DSCAML1: variants seen among roughly 807,000 people sequenced by gnomAD.
DSCAML1 encodes DS cell adhesion molecule like 1.
Under a neutral mutation model 200.5 loss-of-function variants are expected in DSCAML1, and 38 were observed. That is an observed-to-expected ratio of 0.19 (90% confidence interval 0.15 to 0.25). The LOEUF is 0.25. Ranked by LOEUF, DSCAML1 falls within the 10% of genes least tolerant of loss-of-function variation. The pLI is 1.00. For missense variants in DSCAML1, 2,223 were observed against 2,858.8 expected (o/e 0.78, Z 5.07); for synonymous variants, 1,215 against 1,165.0 (o/e 1.04, Z -0.87).
In DSCAML1 at chr11:117,504,899, G is replaced by C. The variant is rs1400924773; in HGVS notation, c.2182+25C>G. The stretch of plus-strand genomic sequence containing the variant: ...GTTCCCCGTCCCTGCCCTTCTTGGA[G>C]ATTCTGGCTGGGCCAGGGGCTTACC... On this transcript the variant is annotated intron_variant, in intron 10 of 32. Coordinates refer to ENST00000651296, the MANE Select transcript of DSCAML1 (RefSeq NM_020693.4). This position sits in a 1 kb window ranked among gnomAD's most constrained non-coding sequence, Gnocchi z 5.0. 6.3e-7 allele frequency: 1 copy of C among 1,584,838 alleles called. No homozygotes were observed. The highest frequency in any genetic ancestry group is 8.6e-7 in the Non-Finnish European group (1 of 1,161,102).
chr11:117,512,781 A>ACACACACACACACACACACACC (rs2049662943), intron 8 of DSCAML1, among the ~76,000 whole-genome samples: 2 of 148,858 alleles, frequency 1.3e-5, no homozygotes, highest in African/African-American at 4.9e-5. Flanking sequence ...ACACACACAC[A>ACACACACACACACACACACACC]CACACACACA....
At chr11:117,636,203 C>A (rs992623733) in intron 3 of DSCAML1, among the ~76,000 whole-genome samples, 16 of 152,172 alleles carry the variant, frequency 1.1e-4, no homozygotes, top group African/African-American at 3.6e-4. Context: ...AGCCTTTCAT[C>A]TGCATGATGG....
At chr11:117,457,144 T>C (rs2048387644) in intron 19 of DSCAML1, among the ~76,000 whole-genome samples, 1 of 152,232 alleles carries the variant, frequency 6.6e-6, no homozygotes, top group African/African-American at 2.4e-5. Flanking sequence ...AATGCCAGGC[T>C]GGGGGCATGC....
intron 1 of DSCAML1, among the ~76,000 whole-genome samples, chr11:117,795,063 C>T (rs540322758): frequency 1.1e-3 from 169 of 152,332 alleles, no homozygotes; most frequent in African/African-American, 3.8e-3. Context: ...CCACCCCCAA[C>T]CCCATCTGCT....
upstream of DSCAML1, among the ~76,000 whole-genome samples, chr11:117,797,832 T>C (rs982059501): frequency 1.4e-5 from 2 of 139,108 alleles, no homozygotes; most frequent in African/African-American, 2.9e-5. Context: ...AATGAGCAGT[T>C]TAATGTCTAC....
At chr11:117,765,611 T>C (rs2137902554) in intron 3 of DSCAML1, among the ~76,000 whole-genome samples, 1 of 152,322 alleles carries the variant, frequency 6.6e-6, no homozygotes, top group East Asian at 1.9e-4. Flanking sequence ...CATGCGTCTG[T>C]CTAGCCCTAG....
intron 1 of DSCAML1, among the ~76,000 whole-genome samples, chr11:117,816,549 A>G (rs919740170): frequency 4.6e-5 from 7 of 152,150 alleles, no homozygotes; most frequent in African/African-American, 1.7e-4. Flanking sequence ...GGAGGCGACT[A>G]ATCTCCCCCA....
At chr11:117,434,121 A>T (rs552196385) in intron 27 of DSCAML1, among the ~76,000 whole-genome samples, 5 of 152,272 alleles carry the variant, frequency 3.3e-5, no homozygotes, top group Admixed American at 2.6e-4. Flanking sequence ...ATGAATCCCA[A>T]ATAGCTGTAT....
intron 3 of DSCAML1, among the ~76,000 whole-genome samples, chr11:117,726,344 C>G (rs1440840334): frequency 6.6e-6 from 1 of 151,458 alleles, no homozygotes; most frequent in East Asian, 1.9e-4. Context: ...GCCAGATATT[C>G]TGTGTGGGGG....
intron 3 of DSCAML1, among the ~76,000 whole-genome samples, chr11:117,667,721 G>A (rs1177907625): frequency 1.3e-5 from 2 of 152,206 alleles, no homozygotes; most frequent in Non-Finnish European, 2.9e-5. Flanking sequence ...AACCTTCAGA[G>A]TTGATCGTTG....
At chr11:117,645,144 G>T (rs2052497007) in intron 3 of DSCAML1, among the ~76,000 whole-genome samples, 2 of 152,214 alleles carry the variant, frequency 1.3e-5, no homozygotes, top group Admixed American at 6.5e-5. Flanking sequence ...CATGAGACCT[G>T]CAGGGCTTCC....
At chr11:117,477,719 C>T (rs1158961065) in intron 14 of DSCAML1, among the ~76,000 whole-genome samples, 1 of 152,198 alleles carries the variant, frequency 6.6e-6, no homozygotes, top group Admixed American at 6.5e-5. Context: ...GCATCACCAC[C>T]CCTACTTCAC....
chr11:117,767,483 T>TG (rs2134028475), intron 3 of DSCAML1, among the ~76,000 whole-genome samples: 1 of 152,340 alleles, frequency 6.6e-6, no homozygotes, highest in African/African-American at 2.4e-5. Flanking sequence ...AGTGCTTTCT[T>TG]GTAATCACTA....
chr11:117,774,122 CA>C (rs1305616372), intron 3 of DSCAML1, among the ~76,000 whole-genome samples: 1 of 152,212 alleles, frequency 6.6e-6, no homozygotes, highest in East Asian at 1.9e-4. Context: ...CTCCCCATCC[CA>C]TGCCCAGCCT....
intron 11 of DSCAML1, among the ~76,000 whole-genome samples, chr11:117,501,522 G>A (rs543304009): frequency 6.6e-6 from 1 of 152,276 alleles, no homozygotes; most frequent in African/African-American, 2.4e-5. Context: ...CCTTGGCCCT[G>A]CCTCTTCCCC....
intron 3 of DSCAML1, among the ~76,000 whole-genome samples, chr11:117,635,047 C>G (rs967520750): frequency 6.6e-6 from 1 of 152,214 alleles, no homozygotes; most frequent in African/African-American, 2.4e-5. Flanking sequence ...CATGATAGGT[C>G]GCACAACAGT....
At chr11:117,716,836 G>T (rs901151939) in intron 3 of DSCAML1, among the ~76,000 whole-genome samples, 2 of 152,138 alleles carry the variant, frequency 1.3e-5, no homozygotes, top group Non-Finnish European at 2.9e-5. Context: ...CCCATGTATT[G>T]TCCACAGCTG....
intron 11 of DSCAML1, among the ~76,000 whole-genome samples, chr11:117,502,515 C>T (rs1026404768): frequency 6.6e-6 from 1 of 152,190 alleles, no homozygotes; most frequent in Non-Finnish European, 1.5e-5. Context: ...AGTGGCTCCC[C>T]AGGGCGGGGA....
rs763896166 is a variant in DSCAML1, at chr11:117,480,474, C to T, written c.2754G>A (p.Thr918=). The change falls in exon 14 of 33, where the codon ACG becomes ACA. Residue 918 remains threonine (T), a synonymous_variant. Transcript: ENST00000651296. The surrounding 1 kb of genome is among the most constrained non-coding windows in gnomAD (Gnocchi z 4.1). ...TQRFDGNSII[T]GFDIEYKNKS... ...TGTTCTTGTATTCAATGTCGAAGCC[C>T]GTGATGATGCTGTTCCCGTCGAATC... is the stretch of plus-strand genomic sequence containing the variant. The T allele has an allele frequency of 2.7e-5, 43 of 1,613,366 alleles. 2 individuals are homozygous for T. Among genetic ancestry groups the T allele is most frequent in the Middle Eastern group, 3.3e-4 (2 of 6,084 alleles).
Sources: allele counts gnomAD v4.1 joint callset (sites outside exome capture counted in the v4.1 genomes callset), GRCh38; gene constraint gnomAD v4.1.1; non-coding constraint Gnocchi (gnomAD v3.1); transcripts MANE v1.5; gene names NCBI Gene and HGNC (gene_info 2026-07-23, HGNC 2026-07-21).